Variants in SAMD11 observed in about 807,000 individuals in gnomAD.
The protein encoded by SAMD11 is sterile alpha motif domain containing 11.
SAMD11 carries 77 observed loss-of-function variants against 64.4 expected under a neutral mutation model. The ratio of observed to expected loss-of-function variants is 1.20; its 90% CI spans 0.99 to 1.44. SAMD11 has a LOEUF of 1.44. SAMD11 is among the 40% of genes most tolerant of loss of function. The pLI, the probability that SAMD11 is intolerant of heterozygous loss-of-function variation, is 0.00. For synonymous variants in SAMD11, 658 were observed against 421.9 expected, an observed-to-expected ratio of 1.56 and a Z score of -6.86; for missense variants, 1,402 against 943.3, an observed-to-expected ratio of 1.49 and a Z score of -6.37.
chr1:925,219 C>G (rs2100285299), intron 1 of SAMD11: 1 of 152,348 alleles, frequency 6.6e-6, no homozygotes, highest in Non-Finnish European at 1.5e-5. Context: ...GCCTTAAGGC[C>G]CGAAGGAAGT....
At chr1:932,488 C>T (rs1346298911) in intron 4 of SAMD11, among the ~76,000 whole-genome samples, 2 of 152,100 alleles carry the variant, frequency 1.3e-5, no homozygotes, top group Non-Finnish European at 2.9e-5. Context: ...TGCTGGGGTC[C>T]CCGGAGGAGA....
chr1:925,489 G>A (rs1158096425), intron 1 of SAMD11, among the ~76,000 whole-genome samples: 1 of 152,114 alleles, frequency 6.6e-6, no homozygotes, highest in Non-Finnish European at 1.5e-5. Context: ...TGAGCGCCAG[G>A]CGCCGCGGGG....
At chr1:938,531 G>A (rs1641580033) in intron 5 of SAMD11, among the ~76,000 whole-genome samples, 1 of 152,150 alleles carries the variant, frequency 6.6e-6, no homozygotes, top group Non-Finnish European at 1.5e-5. Flanking sequence ...GCCTGGGAGT[G>A]GAGGCGCCTC....
chr1:936,010 G>A (rs1641415622), intron 5 of SAMD11, 114 bp downstream of exon 5: 3 of 1,144,638 alleles, frequency 2.6e-6, no homozygotes, highest in African/African-American at 1.5e-5. Flanking sequence ...AGGAGGAGCG[G>A]CCTGTCCCCC....
chr1:933,723 G>C (rs146290397), intron 4 of SAMD11, among the ~76,000 whole-genome samples: 7 of 144,632 alleles, frequency 4.8e-5, no homozygotes, highest in Non-Finnish European at 7.6e-5. Flanking sequence ...CTCCCACCCA[G>C]CTGCCTTCCT....
chr1:928,365 C>G (rs192270610), intron 2 of SAMD11, among the ~76,000 whole-genome samples: 1 of 152,330 alleles, frequency 6.6e-6, no homozygotes, highest in East Asian at 1.9e-4. Context: ...GCACTCCAGC[C>G]TGGGCAACAG....
In SAMD11 at chr1:935,099, C is replaced by T. The variant is rs115596025; in HGVS notation, c.843-673C>T. On this transcript the variant is annotated intron_variant, in intron 4 of 13. Coordinates refer to ENST00000616016, the MANE Select transcript of SAMD11 (RefSeq NM_001385641.1). ...CAGTTCGTCTCATTGCTCTCTGGGA[C>T]TCTGTGGATGTGGGATTGGGCTGAA... is the stretch of plus-strand genomic sequence containing the variant. 3.5e-3 allele frequency among the ~76,000 whole-genome samples: 537 copies of T among 152,170 alleles called. 3 individuals carry two copies. The highest frequency in any genetic ancestry group is 0.012 in the African/African-American group (518 of 41,486).
At chr1:930,466 G>C in intron 3 of SAMD11, 130 bp downstream of exon 3, 1 of 1,052,022 alleles carries the variant, frequency 9.5e-7, no homozygotes, top group Non-Finnish European at 1.4e-6. Context: ...GTCTTTTTGG[G>C]GTCCTGTGTG....
chr1:935,525 G>C (rs1375450689), intron 4 of SAMD11, among the ~76,000 whole-genome samples: 1 of 152,174 alleles, frequency 6.6e-6, no homozygotes, highest in East Asian at 1.9e-4. Flanking sequence ...GCTCCACATA[G>C]ACCCTCCCTG....
At chr1:927,648 A>G (rs1640959117) in intron 2 of SAMD11, among the ~76,000 whole-genome samples, 1 of 152,166 alleles carries the variant, frequency 6.6e-6, no homozygotes, top group Non-Finnish European at 1.5e-5. Flanking sequence ...TGTGCACCTC[A>G]TGGTCACAGA....
chr1:939,533 G>C (rs1041653892), intron 7 of SAMD11, 121 bp downstream of exon 7: 4 of 1,531,048 alleles, frequency 2.6e-6, no homozygotes, highest in Non-Finnish European at 3.5e-6. Context: ...TCCTGTTGCT[G>C]AGGCCCTGCT....
At position 937,709 on chromosome 1, in the gene SAMD11, C is replaced by T. The variant is rs1032631763; in HGVS notation, c.968-1331C>T. On this transcript the variant is annotated intron_variant, in intron 5 of 13. Transcript: ENST00000616016. ...GTGTGGCCAGGTGCCCCCCGCCGCCCGCCGGGCCCAGCCACCCGATCTGTC... is the reference window on the plus strand; with the variant it reads ...GTGTGGCCAGGTGCCCCCCGCCGCCTGCCGGGCCCAGCCACCCGATCTGTC... 7.9e-5 allele frequency among the ~76,000 whole-genome samples: 12 copies of T among 152,290 alleles called. No homozygotes were observed. In the South Asian group the frequency reaches 1.2e-3, roughly 16 times the overall value.
chr1:937,693 G>T (rs1641531448), intron 5 of SAMD11, among the ~76,000 whole-genome samples: 1 of 152,140 alleles, frequency 6.6e-6, no homozygotes, highest in Admixed American at 6.5e-5. Context: ...TGTGTGGCCA[G>T]GTGCCCCCCG....
At chr1:939,779 AGCCAGTGGACGCCGACCT>A (rs6143080) in intron 7 of SAMD11, among the ~76,000 whole-genome samples, 75,477 of 151,972 alleles carry the variant, frequency 0.5, 20,802 homozygotes, top group East Asian at 0.66. Context: ...TCGTCTATGC[AGCCAGTGGACGCCGACCT>A]GCCAGACGCC....
rs555133221 is a variant in SAMD11 at position 929,209 on chromosome 1, C to T, written c.610-946C>T. 1.4e-3 allele frequency among the ~76,000 whole-genome samples: 218 copies of T among 152,328 alleles called. 3 individuals are homozygous for T. The highest frequency in any genetic ancestry group is 4.9e-3 in the African/African-American group (203 of 41,566). ...TGCAGGGTGCCGCGGGCACGTCCGC[C>T]GCGTGTGTGCGTCAGCTCGGGGCTC... is the stretch of plus-strand genomic sequence containing the variant. On this transcript the variant is annotated intron_variant, in intron 2 of 13. Transcript: ENST00000616016.
chr1:942,381 C>T (rs905773185), intron 9 of SAMD11, 29 bp from the exon 10 acceptor site: 12 of 1,326,998 alleles, frequency 9.0e-6, no homozygotes, highest in South Asian at 1.4e-5. Flanking sequence ...TCGGACCCCC[C>T]GACCCCGCGT....
intron 2 of SAMD11, among the ~76,000 whole-genome samples, chr1:929,062 A>T (rs949515352): frequency 2.0e-5 from 3 of 152,210 alleles, no homozygotes; most frequent in Admixed American, 1.3e-4. Context: ...TACTACATTT[A>T]AAAAAGCCTC....
At position 930,952 on chromosome 1, in the gene SAMD11, G is replaced by A. The variant is rs566631491; in HGVS notation, c.792-87G>A. ...CTGTGGCCCAGCGGGGCACTGACCC[G>A]AGACAGGTCTGCGCACGCCCTGCTA... On this transcript the variant is annotated intron_variant, in intron 3 of 13. Coordinates refer to ENST00000616016, the MANE Select transcript of SAMD11 (RefSeq NM_001385641.1). 1.1e-4 allele frequency: 147 copies of A among 1,362,822 alleles called. 1 individual carries two copies. The highest frequency in any genetic ancestry group is 1.4e-4 in the Non-Finnish European group (131 of 955,442). 84.4% of individuals were successfully genotyped at this position (1,362,822 alleles called of 1,614,324 possible).
At chr1:927,322 G>A (rs1640941749) in intron 2 of SAMD11, among the ~76,000 whole-genome samples, 1 of 152,158 alleles carries the variant, frequency 6.6e-6, no homozygotes, top group Non-Finnish European at 1.5e-5. Flanking sequence ...TTGGATTTGA[G>A]CGGCCCCCTT....
Sources: allele counts gnomAD v4.1 joint callset (sites outside exome capture counted in the v4.1 genomes callset), GRCh38; gene constraint gnomAD v4.1.1; transcripts MANE v1.5; gene names NCBI Gene and HGNC (gene_info 2026-07-23, HGNC 2026-07-21).